KLRG1: variants seen among roughly 807,000 people sequenced by gnomAD.
KLRG1 encodes killer cell lectin like receptor G1, also known as killer cell lectin-like receptor subfamily G member 1.
A neutral mutation model predicts 21.8 loss-of-function variants in KLRG1; 16 were observed. The ratio of observed to expected loss-of-function variants is 0.73; its 90% confidence interval spans 0.50 to 1.11. KLRG1 has a LOEUF of 1.11. KLRG1 is among the 50% of genes most tolerant of loss of function. The pLI, the probability that KLRG1 is intolerant of heterozygous loss-of-function variation, is 0.00. For synonymous variants in KLRG1, 69 were observed against 75.9 expected, an observed-to-expected ratio of 0.91 and a Z score of 0.47; for missense variants, 173 against 218.3, an observed-to-expected ratio of 0.79 and a Z score of 1.31.
At chr12:9,113,200 G>T in the KLRG1 span, among the ~76,000 whole-genome samples, 4,302 of 150,554 alleles carry the variant, frequency 0.029, 88 homozygotes, top group Non-Finnish European at 0.042. Flanking sequence ...CATGGCTGGA[G>T]AGTCATGCAT....
chr12:8,990,364 A>G (rs1005586806), intron 1 of KLRG1: 2 of 152,134 alleles, frequency 1.3e-5, no homozygotes, highest in African/African-American at 4.8e-5. Flanking sequence ...GTAAATGCCA[A>G]AATTAATCCT....
At chr12:9,090,029 A>T in the KLRG1 span, 1 of 1,582,908 alleles carries the variant, frequency 6.3e-7, no homozygotes, top group Non-Finnish European at 8.6e-7. Flanking sequence ...ATTTCCTGAA[A>T]AAAAAGGCCA....
chr12:8,955,704 C>CT (rs927344297), intron 1 of KLRG1, among the ~76,000 whole-genome samples: 1 of 151,578 alleles, frequency 6.6e-6, no homozygotes, highest in Non-Finnish European at 1.5e-5. Flanking sequence ...TTGAATTTTT[C>CT]TTTTTTTTAA....
intron 1 of KLRG1, among the ~76,000 whole-genome samples, chr12:8,964,697 T>C (rs1946436783): frequency 6.6e-6 from 1 of 151,102 alleles, no homozygotes; most frequent in African/African-American, 2.4e-5. Flanking sequence ...CACTAAGGAC[T>C]TGCTTTATGA....
At chr12:9,098,306 C>T in the KLRG1 span, 451 of 162,286 alleles carry the variant, frequency 2.8e-3, 2 homozygotes, top group African/African-American at 0.01. Flanking sequence ...AGAAGCTTAA[C>T]GTGTCTGAAT....
intron 1 of KLRG1, among the ~76,000 whole-genome samples, chr12:8,978,862 G>A (rs1009932284): frequency 6.6e-6 from 1 of 151,148 alleles, no homozygotes; most frequent in Non-Finnish European, 1.5e-5. Context: ...CTACAGGTAT[G>A]TGCCACTGCA....
intron 1 of KLRG1, among the ~76,000 whole-genome samples, chr12:8,978,858 G>A (rs1260765190): frequency 1.3e-5 from 2 of 150,774 alleles, no homozygotes; most frequent in African/African-American, 4.9e-5. Flanking sequence ...GGGGCTACAG[G>A]TATGTGCCAC....
the KLRG1 span, among the ~76,000 whole-genome samples, chr12:9,207,220 T>C: frequency 4.6e-5 from 7 of 152,344 alleles, no homozygotes; most frequent in Non-Finnish European, 8.8e-5. Flanking sequence ...CTCTGAAGAC[T>C]TCCCTGTATC....
chr12:9,174,390 C>T, the KLRG1 span, among the ~76,000 whole-genome samples: 1 of 152,170 alleles, frequency 6.6e-6, no homozygotes, highest in African/African-American at 2.4e-5. Flanking sequence ...AAGCTGGGAG[C>T]ATTCCCCTTG....
chr12:9,144,427 GAT>G, the KLRG1 span, among the ~76,000 whole-genome samples: 2 of 152,184 alleles, frequency 1.3e-5, no homozygotes, highest in South Asian at 2.1e-4. Context: ...AGACTCTCAG[GAT>G]CCAGTGGGAT....
the KLRG1 span, chr12:9,192,633 T>G: frequency 8.5e-4 from 1,371 of 1,614,096 alleles, 9 homozygotes; most frequent in African/African-American, 0.014. Flanking sequence ...CAGGTGAATG[T>G]AACTTCCACT....
At chr12:9,197,611 T>G in the KLRG1 span, among the ~76,000 whole-genome samples, 142 of 95,456 alleles carry the variant, frequency 1.5e-3, 5 homozygotes, top group African/African-American at 5.9e-3. Context: ...TAATATATAT[T>G]ATATATTTAT....
chr12:9,093,366 A>G, the KLRG1 span: 1 of 772,540 alleles, frequency 1.3e-6, no homozygotes, highest in Non-Finnish European at 2.2e-6. Flanking sequence ...GTTGTACATC[A>G]TAAACATATA....
the KLRG1 span, among the ~76,000 whole-genome samples, chr12:9,177,163 G>A: frequency 1.3e-5 from 2 of 152,172 alleles, no homozygotes; most frequent in African/African-American, 4.8e-5. Context: ...GGATATTGTG[G>A]AAATGAGGGG....
At chr12:9,097,058 T>C in the KLRG1 span, among the ~76,000 whole-genome samples, 4 of 152,214 alleles carry the variant, frequency 2.6e-5, no homozygotes, top group African/African-American at 9.6e-5. Flanking sequence ...TGCTTTATTA[T>C]TAATAAATAG....
chr12:9,166,817 G>C, the KLRG1 span, among the ~76,000 whole-genome samples: 1 of 152,114 alleles, frequency 6.6e-6, no homozygotes, highest in South Asian at 2.1e-4. Context: ...GTGTGGTTCA[G>C]ACAAAGAAAT....
chr12:9,093,592 A>C, the KLRG1 span: 6 of 1,481,918 alleles, frequency 4.0e-6, no homozygotes, highest in Non-Finnish European at 5.5e-6. Flanking sequence ...ATGGTGAGTG[A>C]GGAAGAAGAC....
chr12:9,049,083 T>A, the KLRG1 span, among the ~76,000 whole-genome samples: 1 of 152,180 alleles, frequency 6.6e-6, no homozygotes, highest in Admixed American at 6.5e-5. Context: ...CTAAAATGAT[T>A]CTTTTAGTCT....
intron 1 of KLRG1, among the ~76,000 whole-genome samples, chr12:8,969,065 T>A (rs1946525598): frequency 6.6e-6 from 1 of 152,150 alleles, no homozygotes; most frequent in Non-Finnish European, 1.5e-5. Flanking sequence ...CTCTCCCATC[T>A]CCAGCCTTGG....
Sources: allele counts gnomAD v4.1 joint callset (sites outside exome capture counted in the v4.1 genomes callset), GRCh38; gene constraint gnomAD v4.1.1; transcripts MANE v1.5; gene names NCBI Gene and HGNC (gene_info 2026-07-23, HGNC 2026-07-21).